The following CCDC60 variants were observed in gnomAD, a reference collection of about 807,000 sequenced individuals.
CCDC60 encodes coiled-coil domain-containing protein 60.
In CCDC60, 54 loss-of-function variants were observed where a neutral mutation model predicts 63.5. The observed-to-expected ratio is 0.85, with a 90% CI of 0.68 to 1.07. The LOEUF is 1.07. Among genes scored for constraint, CCDC60 ranks in the 50% least tolerant of loss-of-function variants. The probability of loss-of-function intolerance (pLI) is 0.00; values close to 1 mark genes in which losing one functional copy is unlikely to be tolerated. For synonymous variants in CCDC60, 206 were observed against 238.8 expected, an observed-to-expected ratio of 0.86 and a Z score of 1.27; for missense variants, 651 against 684.3, an observed-to-expected ratio of 0.95 and a Z score of 0.54.
In CCDC60 at chr12:119,452,981, C is replaced by G. The variant is rs191480335; in HGVS notation, c.171-19013C>G. Reference sequence around the variant, plus strand: ...GGGATTACAGGCACGCACCACCATGCCCAGCTAATTTTATTTTGTATTTTT... The same window carrying G: ...GGGATTACAGGCACGCACCACCATGGCCAGCTAATTTTATTTTGTATTTTT... On this transcript the variant is annotated intron_variant, in intron 2 of 13. Coordinates refer to ENST00000327554, the MANE Select transcript of CCDC60 (RefSeq NM_178499.5). 2.6e-5 allele frequency among the ~76,000 whole-genome samples: 4 copies of G among 152,216 alleles called. No individual in the cohort carries two copies. In the East Asian group the frequency reaches 7.8e-4, roughly 30 times the overall value.
At chr12:119,442,996 A>G (rs1950476517) in intron 2 of CCDC60, among the ~76,000 whole-genome samples, 1 of 152,252 alleles carries the variant, frequency 6.6e-6, no homozygotes, top group Admixed American at 6.5e-5. Flanking sequence ...GTTTATGGAA[A>G]GCAAAATGAA....
intron 2 of CCDC60, among the ~76,000 whole-genome samples, chr12:119,431,952 TAC>T (rs1950236917): frequency 6.6e-6 from 1 of 152,192 alleles, no homozygotes; most frequent in Non-Finnish European, 1.5e-5. Context: ...GTGCTGGGAT[TAC>T]AGGTGTAAGC....
chr12:119,347,324 A>G (rs1311786885), intron 1 of CCDC60, among the ~76,000 whole-genome samples: 1 of 152,172 alleles, frequency 6.6e-6, no homozygotes, highest in African/African-American at 2.4e-5. Context: ...TGATAATCGT[A>G]AACAGCTTAA....
At chr12:119,479,272 C>G in intron 4 of CCDC60, 71 bp downstream of exon 4, 2 of 1,062,890 alleles carry the variant, frequency 1.9e-6, no homozygotes, top group Non-Finnish European at 2.9e-6. Context: ...AATGACTCAA[C>G]GAGCTGTCAT....
At chr12:119,352,781 A>G (rs990535916) in intron 1 of CCDC60, among the ~76,000 whole-genome samples, 1 of 152,098 alleles carries the variant, frequency 6.6e-6, no homozygotes, top group African/African-American at 2.4e-5. Context: ...TACTAAAAAC[A>G]TAAAAATTAG....
chr12:119,482,542 C>T (rs993221688), intron 4 of CCDC60, among the ~76,000 whole-genome samples: 1 of 152,096 alleles, frequency 6.6e-6, no homozygotes, highest in African/African-American at 2.4e-5. Context: ...TTTACAAAAC[C>T]AAAGTGGCAG....
chr12:119,430,201 CAT>C (rs771267715), intron 2 of CCDC60, among the ~76,000 whole-genome samples: 17 of 145,640 alleles, frequency 1.2e-4, no homozygotes, highest in South Asian at 4.4e-4. Flanking sequence ...CACACACACA[CAT>C]ACACACACAC....
chr12:119,364,913 G>A (rs1220802200), intron 1 of CCDC60, among the ~76,000 whole-genome samples: 1 of 152,076 alleles, frequency 6.6e-6, no homozygotes, highest in Non-Finnish European at 1.5e-5. Flanking sequence ...AGGATGACTG[G>A]GAGTGAATGA....
intron 1 of CCDC60, among the ~76,000 whole-genome samples, chr12:119,418,014 G>C (rs1009431058): frequency 2.6e-5 from 4 of 152,174 alleles, no homozygotes; most frequent in African/African-American, 7.2e-5. Context: ...ACTTGTAAAA[G>C]ATTGTAGAAG....
At chr12:119,499,938 T>A (rs1268006048) in intron 5 of CCDC60, 140 bp from the exon 6 acceptor site, 1 of 703,224 alleles carries the variant, frequency 1.4e-6, no homozygotes, top group African/African-American at 1.8e-5. Flanking sequence ...CCCCCATTTC[T>A]TCACAAGTAG....
intron 3 of CCDC60, among the ~76,000 whole-genome samples, chr12:119,473,285 AG>A (rs1951103121): frequency 6.6e-6 from 1 of 152,216 alleles, no homozygotes; most frequent in Non-Finnish European, 1.5e-5. Flanking sequence ...CAAGGCAGCC[AG>A]GGAGGAAATG....
chr12:119,433,850 C>G (rs756597641), intron 2 of CCDC60, among the ~76,000 whole-genome samples: 8 of 152,282 alleles, frequency 5.3e-5, no homozygotes, highest in Admixed American at 2.6e-4. Flanking sequence ...TCGCCTGTTC[C>G]GTCAGATGTT....
At chr12:119,393,332 G>T (rs1956193524) in intron 1 of CCDC60, among the ~76,000 whole-genome samples, 1 of 152,198 alleles carries the variant, frequency 6.6e-6, no homozygotes, top group African/African-American at 2.4e-5. Flanking sequence ...TGGAAAGGGA[G>T]GAGGGGGAAA....
At chr12:119,421,046 G>GC (rs1565999738) in intron 1 of CCDC60, among the ~76,000 whole-genome samples, 1 of 149,498 alleles carries the variant, frequency 6.7e-6, no homozygotes, top group African/African-American at 2.5e-5. Context: ...TCCCTTCCCC[G>GC]CTCACCCCTC....
At chr12:119,419,496 G>GT (rs1371332861) in intron 1 of CCDC60, among the ~76,000 whole-genome samples, 3 of 152,184 alleles carry the variant, frequency 2.0e-5, no homozygotes, top group Non-Finnish European at 4.4e-5. Context: ...AGCCATGATG[G>GT]TTAAAGTGGT....
At position 119,349,600 on chromosome 12, in the gene CCDC60, A is replaced by G. The variant is rs182179314; in HGVS notation, c.90+14334A>G. Reference sequence around the variant, plus strand: ...ATGATCTGCCCATCTCAGCCTCCCAAAGTGCTTGGATTATAGGCGTGAGCC... The same window carrying G: ...ATGATCTGCCCATCTCAGCCTCCCAGAGTGCTTGGATTATAGGCGTGAGCC... On this transcript the variant is annotated intron_variant, in intron 1 of 13. Transcript: ENST00000327554. Among the ~76,000 whole-genome samples the G allele has an allele frequency of 3.0e-3, 454 of 150,764 alleles. 3 individuals are homozygous for G. Among genetic ancestry groups the G allele is most frequent in the Admixed American group, 7.6e-3 (115 of 15,152 alleles).
intron 1 of CCDC60, among the ~76,000 whole-genome samples, chr12:119,350,276 C>A (rs1468667066): frequency 1.3e-5 from 2 of 152,094 alleles, no homozygotes; most frequent in Non-Finnish European, 2.9e-5. Context: ...CGGCTCACTG[C>A]AACCACCGCC....
chr12:119,367,902 G>GTT (rs34577765), intron 1 of CCDC60, among the ~76,000 whole-genome samples: 41 of 147,042 alleles, frequency 2.8e-4, no homozygotes, highest in Admixed American at 6.1e-4. Flanking sequence ...ATATAAAGGG[G>GTT]TTTTTTTTTT....
chr12:119,477,123 T>C (rs1411008068), intron 3 of CCDC60, among the ~76,000 whole-genome samples: 22 of 152,308 alleles, frequency 1.4e-4, no homozygotes. Context: ...GCTTGGTTCC[T>C]TTCCCTGTGG....
Sources: allele counts gnomAD v4.1 joint callset (sites outside exome capture counted in the v4.1 genomes callset), GRCh38; gene constraint gnomAD v4.1.1; transcripts MANE v1.5; gene names NCBI Gene and HGNC (gene_info 2026-07-23, HGNC 2026-07-21).